PCNT: variants seen among roughly 807,000 people sequenced by gnomAD.
PCNT encodes pericentrin.
Under a neutral mutation model 380.4 loss-of-function variants are expected in PCNT, and 319 were observed. The observed-to-expected ratio is 0.84, with a 90% CI of 0.77 to 0.92. The LOEUF (loss-of-function observed/expected upper bound fraction) is 0.92. Among genes scored for constraint, PCNT ranks in the 40% least tolerant of loss-of-function variants. PCNT has a pLI of 0.00. For missense variants in PCNT, 4,400 were observed against 4,255.3 expected (o/e 1.03, Z -0.95); for synonymous variants, 1,845 against 1,735.2 (o/e 1.06, Z -1.57).
intron 42 of PCNT, among the ~76,000 whole-genome samples, 174 bp from the exon 43 acceptor site, chr21:46,440,681 C>A (rs1479831337): frequency 6.6e-6 from 1 of 152,014 alleles, no homozygotes; most frequent in South Asian, 2.1e-4. Context: ...ATTGATCTTC[C>A]AACAGCAAGG....
Position 46,391,375 on chromosome 21 carries a change from T to C in PCNT, c.4215T>C (p.Ala1405=), listed in dbSNP as rs1307940686. The change falls in exon 21 of 47, where the codon GCT becomes GCC. Residue 1405 remains alanine, a splice_region_variant and synonymous_variant. Transcript: ENST00000359568. ...ATATDAEARE[A]ALRKEVEDLT... is the part of the protein sequence containing the mutation. ...CCACGGACGCCGAGGCCAGAGAAGC[T>C]GGTAAGGAGCGCGGGCTGTGGAGGG... 1.9e-6 allele frequency: 3 copies of C among 1,547,428 alleles called. No individual in the cohort carries two copies. Among genetic ancestry groups the C allele is most frequent in the Admixed American group, 3.9e-5 (2 of 50,936 alleles).
At chr21:46,336,013 C>G (rs2083724172) in intron 3 of PCNT, among the ~76,000 whole-genome samples, 1 of 150,874 alleles carries the variant, frequency 6.6e-6, no homozygotes, top group South Asian at 2.1e-4. Context: ...GAGTTTTGCT[C>G]TTGCCCAGGC....
chr21:46,369,923 A>G (rs2085057678), intron 15 of PCNT, among the ~76,000 whole-genome samples: 1 of 152,228 alleles, frequency 6.6e-6, no homozygotes, highest in African/African-American at 2.4e-5. Flanking sequence ...ATGCAGGAGC[A>G]TCAAGCAGGG....
At chr21:46,363,968 T>C in intron 14 of PCNT, 34 bp downstream of exon 14, 1 of 1,579,368 alleles carries the variant, frequency 6.3e-7, no homozygotes, top group Non-Finnish European at 8.6e-7. Context: ...GCAGTCCCTG[T>C]GAGGCCAGAC....
At chr21:46,343,786 C>A (rs1283894407) in intron 3 of PCNT, among the ~76,000 whole-genome samples, 1 of 152,186 alleles carries the variant, frequency 6.6e-6, no homozygotes, top group African/African-American at 2.4e-5. Flanking sequence ...ATTACTGTTT[C>A]AGTCTTGCTG....
In PCNT at chr21:46,426,069, C is replaced by CTTTTTTT; in HGVS notation, c.7320+119_7320+125dup. ...GCCACGTGGACACTAGGATTTCTTT[C>CTTTTTTT]TTTTTTTTTTTTTTTTTTTTTTTTT... On this transcript the variant is annotated intron_variant, in intron 33 of 46. Coordinates refer to ENST00000359568, the MANE Select transcript of PCNT (RefSeq NM_006031.6). 144 of 309,024 alleles carry CTTTTTTT rather than the reference C, an allele frequency of 4.7e-4. 5 individuals carry two copies. The highest frequency in any genetic ancestry group is 5.3e-4 in the Non-Finnish European group (96 of 181,652). The allele number at this position is 309,024 out of a possible 1,614,324, so 19.1% of individuals were successfully genotyped here.
Position 46,431,608 on chromosome 21 carries a change from A to C in PCNT, c.8144A>C (p.Lys2715Thr). 6.2e-7 allele frequency: 1 copy of C among 1,614,068 alleles called. No individual in the cohort carries two copies. Among genetic ancestry groups the C allele is most frequent in the East Asian group, 2.2e-5 (1 of 44,886 alleles). Residue 2715 changes from lysine to threonine, a missense_variant, in exon 38 of 47, where the codon AAG (lysine) becomes ACG (threonine). Lys to Thr is a moderately conservative substitution (Grantham distance 78). Coordinates refer to ENST00000359568, the MANE Select transcript of PCNT (RefSeq NM_006031.6). ...GCACTGAAACACGAGCAGACGGCCAAGGACAACCTGCAGAAGGAGCTGCGT... is the reference window on the plus strand; with the variant it reads ...GCACTGAAACACGAGCAGACGGCCACGGACAACCTGCAGAAGGAGCTGCGT... ...CVALKHEQTAKDNLQKELRIE... is the reference protein window; with the variant it reads ...CVALKHEQTATDNLQKELRIE...
At chr21:46,404,510 G>GA (rs1268306095) in intron 27 of PCNT, among the ~76,000 whole-genome samples, 2 of 152,360 alleles carry the variant, frequency 1.3e-5, no homozygotes, top group African/African-American at 4.8e-5. Context: ...TGCTGGGGGA[G>GA]AAGGGGCTCT....
At position 46,431,665 on chromosome 21, in the gene PCNT, C is replaced by T. The variant is rs1397610312; in HGVS notation, c.8201C>T (p.Ala2734Val). ...CACTCACGCTGCGAGGCCTTGCTGG[C>T]TCAGGAGCGGAGCCAGCTCTCTGAG... The part of the protein sequence containing the change: ...IEHSRCEALL[A>V]QERSQLSELQ... The change falls in exon 38 of 47, where the codon GCT becomes GTT. Residue 2734 changes from alanine (A) to valine (V), a missense_variant. Ala to Val is a moderately conservative substitution (Grantham distance 64). Coordinates refer to ENST00000359568, the MANE Select transcript of PCNT (RefSeq NM_006031.6). 2 of 1,613,384 alleles carry T rather than the reference C, an allele frequency of 1.2e-6. No homozygotes were observed. Among genetic ancestry groups the T allele is most frequent in the Non-Finnish European group, 1.7e-6 (2 of 1,179,848 alleles).
chr21:46,347,676 C>T (rs1470970430), intron 6 of PCNT, among the ~76,000 whole-genome samples, 164 bp downstream of exon 6: 2 of 152,220 alleles, frequency 1.3e-5, no homozygotes, highest in African/African-American at 4.8e-5. Flanking sequence ...TTATTTATAT[C>T]ATTTGTATTT....
At position 46,388,836 on chromosome 21, in the gene PCNT, G is replaced by T; in HGVS notation, c.3559G>T (p.Val1187Leu). 1.2e-6 allele frequency: 2 copies of T among 1,611,964 alleles called. No homozygotes were observed. The highest frequency in any genetic ancestry group is 1.1e-5 in the South Asian group (1 of 91,030). Residue 1187 changes from valine (V) to leucine (L), a missense_variant, in exon 18 of 47, where the codon GTG becomes TTG. By Grantham distance (32) the Val-to-Leu change is conservative. Coordinates refer to ENST00000359568, the MANE Select transcript of PCNT (RefSeq NM_006031.6). This position sits in a 1 kb window ranked among gnomAD's most constrained non-coding sequence, Gnocchi z 4.2. ...VTLRSRIGERVGLCLDDAGAG... is the reference protein window; with the variant it reads ...VTLRSRIGERLGLCLDDAGAG... Reference sequence around the variant, plus strand: ...CCTGAGGAGCCGGATCGGGGAGCGCGTGGGGCTCTGCCTGGATGACGCGGG... The same window carrying T: ...CCTGAGGAGCCGGATCGGGGAGCGCTTGGGGCTCTGCCTGGATGACGCGGG...
intron 13 of PCNT, among the ~76,000 whole-genome samples, chr21:46,361,003 T>C (rs1274586293): frequency 6.6e-6 from 1 of 152,244 alleles, no homozygotes; most frequent in Admixed American, 6.5e-5. Flanking sequence ...TTTGGATTAT[T>C]TGAATATTTT....
At chr21:46,335,182 A>G (rs1257039926) in intron 3 of PCNT, among the ~76,000 whole-genome samples, 1 of 152,124 alleles carries the variant, frequency 6.6e-6, no homozygotes, top group Admixed American at 6.5e-5. Flanking sequence ...CGTTTCTCAC[A>G]TCATCAGTTT....
intron 3 of PCNT, among the ~76,000 whole-genome samples, chr21:46,343,491 C>T (rs1322220128): frequency 6.6e-6 from 1 of 152,042 alleles, no homozygotes; most frequent in Non-Finnish European, 1.5e-5. Flanking sequence ...AGTGTATTAT[C>T]TTTTTTATGT....
In PCNT at chr21:46,428,457, C is replaced by T. The variant is rs1296234306; in HGVS notation, c.7557C>T (p.Ser2519=). The T allele has an allele frequency of 1.1e-5, 17 of 1,612,462 alleles. No individual in the cohort carries two copies. Among genetic ancestry groups the T allele is most frequent in the East Asian group, 2.2e-5 (1 of 44,878 alleles). Residue 2519 remains serine, a synonymous_variant, in exon 35 of 47, where the codon TCC becomes TCT. Transcript: ENST00000359568. ...LRLPDRSSLL[S]EIQALRAQLR... is the part of the protein sequence containing the mutation. ...TGCCGGACCGGAGCAGCCTGCTGTCCGAGATCCAGGCGCTGCGTGCCCAGC... is the reference window on the plus strand; with the variant it reads ...TGCCGGACCGGAGCAGCCTGCTGTCTGAGATCCAGGCGCTGCGTGCCCAGC...
In PCNT at chr21:46,363,819, G is replaced by T. The variant is rs535351693; in HGVS notation, c.2494G>T (p.Asp832Tyr). The T allele has an allele frequency of 1.9e-6, 3 of 1,612,676 alleles. No individual in the cohort carries two copies. Among genetic ancestry groups the T allele is most frequent in the Admixed American group, 1.7e-5 (1 of 59,940 alleles). Residue 832 changes from aspartate (D) to tyrosine (Y), a missense_variant, in exon 14 of 47, where the codon GAC becomes TAC. By Grantham distance (160) the Asp-to-Tyr change is radical. Transcript: ENST00000359568. ...QQLEQDLTSDDALHCSQCGRE... is the reference protein window; with the variant it reads ...QQLEQDLTSDYALHCSQCGRE... ...GCTGGAACAGGACCTCACTTCAGACGACGCCCTGCATTGCAGCCAGTGTGG... is the reference window on the plus strand; with the variant it reads ...GCTGGAACAGGACCTCACTTCAGACTACGCCCTGCATTGCAGCCAGTGTGG...
chr21:46,427,046 C>T (rs1003214383), intron 33 of PCNT, among the ~76,000 whole-genome samples: 4 of 152,212 alleles, frequency 2.6e-5, no homozygotes, highest in African/African-American at 7.2e-5. Context: ...TGGTGCTGCA[C>T]GCTGCCCCTG....
chr21:46,428,704 C>G, intron 35 of PCNT, 114 bp downstream of exon 35: 8 of 947,462 alleles, frequency 8.4e-6, no homozygotes, highest in Non-Finnish European at 1.3e-5. Flanking sequence ...CTAGTCAAGC[C>G]CCTGAGTGTT....
At chr21:46,414,641 T>G (rs574068626) in intron 29 of PCNT, among the ~76,000 whole-genome samples, 1 of 141,660 alleles carries the variant, frequency 7.1e-6, no homozygotes, top group Non-Finnish European at 1.5e-5. Context: ...CCCACTCTCC[T>G]CCTCCTGGAC....
Sources: allele counts gnomAD v4.1 joint callset (sites outside exome capture counted in the v4.1 genomes callset), GRCh38; gene constraint gnomAD v4.1.1; non-coding constraint Gnocchi (gnomAD v3.1); transcripts MANE v1.5; gene names NCBI Gene and HGNC (gene_info 2026-07-23, HGNC 2026-07-21).